SLC2A9: variants seen among roughly 807,000 people sequenced by gnomAD.
The protein encoded by SLC2A9 is solute carrier family 2, facilitated glucose transporter member 9.
Under a neutral mutation model 50.6 loss-of-function variants are expected in SLC2A9, and 39 were observed. The ratio of observed to expected loss-of-function variants is 0.77; its 90% confidence interval spans 0.60 to 1.01. The LOEUF (loss-of-function observed/expected upper bound fraction) is 1.01. Among genes scored for constraint, SLC2A9 ranks in the 50% least tolerant of loss-of-function variants. The probability of loss-of-function intolerance (pLI) is 0.00; values close to 1 mark genes in which losing one functional copy is unlikely to be tolerated. For missense variants in SLC2A9, 686 were observed against 677.6 expected (o/e 1.01, Z -0.14); for synonymous variants, 324 against 276.9 (o/e 1.17, Z -1.69).
chr4:9,941,943 C>G lies in SLC2A9; in HGVS notation c.784G>C (p.Glu262Gln). The part of the protein sequence containing the change: ...LPDSPRYLLL[E>Q]KHNEARAVKA... ...ACAGCTCTTGCCTCGTTGTGCTTCT[C>G]CAAGAGCAGGTAGCGTGGGCTGTCC... is the stretch of plus-strand genomic sequence containing the variant. Residue 262 changes from glutamate (E) to glutamine (Q), a missense_variant, in exon 6 of 12, where the codon GAG becomes CAG. By Grantham distance (29) the Glu-to-Gln change is conservative. Coordinates refer to ENST00000264784, the MANE Select transcript of SLC2A9 (RefSeq NM_020041.3). 6.2e-7 allele frequency: 1 copy of G among 1,614,156 alleles called. No individual in the cohort carries two copies. The highest frequency in any genetic ancestry group is 8.5e-7 in the Non-Finnish European group (1 of 1,180,018).
chr4:10,030,044 A>G (rs959847813), intron 1 of SLC2A9, among the ~76,000 whole-genome samples: 9 of 150,622 alleles, frequency 6.0e-5, no homozygotes, highest in African/African-American at 2.2e-4. Context: ...GGTAAAATAT[A>G]TACATAAAAA....
chr4:9,892,849 A>G (rs773752029), intron 8 of SLC2A9, among the ~76,000 whole-genome samples: 1 of 152,154 alleles, frequency 6.6e-6, no homozygotes, highest in Non-Finnish European at 1.5e-5. Context: ...TCTGATGATA[A>G]TGGAGTTAGT....
chr4:10,008,874 C>T (rs1761249263), intron 2 of SLC2A9, among the ~76,000 whole-genome samples: 1 of 148,546 alleles, frequency 6.7e-6, no homozygotes, highest in Non-Finnish European at 1.5e-5. Context: ...GTATGTGTAG[C>T]TTCATTATCA....
intron 1 of SLC2A9, among the ~76,000 whole-genome samples, chr4:9,773,136 A>G (rs1356526538): frequency 6.6e-6 from 1 of 152,148 alleles, no homozygotes; most frequent in South Asian, 2.1e-4. Context: ...CTTGCTCCTG[A>G]ACTGGGAAGA....
At chr4:9,855,441 A>C (rs556647209) in intron 10 of SLC2A9, among the ~76,000 whole-genome samples, 1 of 152,286 alleles carries the variant, frequency 6.6e-6, no homozygotes, top group African/African-American at 2.4e-5. Flanking sequence ...TGAAAATTAC[A>C]AAACACTGCT....
At chr4:10,026,791 C>T (rs542089081) in intron 1 of SLC2A9, among the ~76,000 whole-genome samples, 198 of 152,292 alleles carry the variant, frequency 1.3e-3, no homozygotes, top group Non-Finnish European at 2.0e-3. Flanking sequence ...TGCCTGTAAT[C>T]CCAGCACGTG....
chr4:9,784,792 T>C (rs1208013339), intron 3 of SLC2A9, among the ~76,000 whole-genome samples: 1 of 152,240 alleles, frequency 6.6e-6, no homozygotes, highest in Non-Finnish European at 1.5e-5. Flanking sequence ...GAAATGTGAA[T>C]ATGCAATTTC....
downstream of SLC2A9, among the ~76,000 whole-genome samples, chr4:9,774,886 A>C (rs1419872177): frequency 6.6e-6 from 1 of 151,936 alleles, no homozygotes; most frequent in East Asian, 1.9e-4. Context: ...AAGGAAAATG[A>C]CCACCTGGAA....
At chr4:9,890,313 T>C (rs995855484) in intron 9 of SLC2A9, among the ~76,000 whole-genome samples, 5 of 152,084 alleles carry the variant, frequency 3.3e-5, no homozygotes, top group Admixed American at 3.3e-4. Context: ...TTCTATTCCA[T>C]AGATGGGTGA....
intron 4 of SLC2A9, 109 bp from the exon 5 acceptor site, chr4:9,980,846 C>G: frequency 7.0e-7 from 1 of 1,419,132 alleles, no homozygotes; most frequent in South Asian, 1.2e-5. Flanking sequence ...TTAAATAGCA[C>G]TGTAGCCACG....
chr4:9,975,943 G>A (rs914673118), intron 5 of SLC2A9, among the ~76,000 whole-genome samples: 3 of 152,140 alleles, frequency 2.0e-5, no homozygotes, highest in African/African-American at 7.2e-5. Flanking sequence ...CATGTTGTTC[G>A]CAGCAACATA....
intron 6 of SLC2A9, among the ~76,000 whole-genome samples, chr4:9,925,998 C>T (rs942886651): frequency 9.9e-5 from 15 of 152,062 alleles, no homozygotes; most frequent in Non-Finnish European, 1.8e-4. Flanking sequence ...GGCCCACATA[C>T]GACTGCAAGC....
intron 3 of SLC2A9, among the ~76,000 whole-genome samples, chr4:9,991,850 G>C (rs1256953737): frequency 6.6e-6 from 1 of 152,182 alleles, no homozygotes; most frequent in African/African-American, 2.4e-5. Context: ...CCAGCCTCCA[G>C]AACTGTGAGA....
chr4:9,966,345 C>T (rs1400709459), intron 5 of SLC2A9, among the ~76,000 whole-genome samples: 1 of 152,090 alleles, frequency 6.6e-6, no homozygotes, highest in Non-Finnish European at 1.5e-5. Context: ...GTTTACAAAT[C>T]ACACTTTTTC....
chr4:9,845,632 G>C (rs901407137), intron 10 of SLC2A9, among the ~76,000 whole-genome samples: 1 of 150,396 alleles, frequency 6.6e-6, no homozygotes, highest in African/African-American at 2.5e-5. Flanking sequence ...GGGTTTCACC[G>C]TGTTAGCCAG....
Position 9,941,391 on chromosome 4 carries a change from G to A in SLC2A9, c.814+522C>T, listed in dbSNP as rs144142984. Among the ~76,000 whole-genome samples the A allele has an allele frequency of 6.6e-5, 10 of 152,184 alleles. No individual in the cohort carries two copies. The East Asian group carries it at 7.7e-4, about 12-fold the overall frequency. Reference sequence around the variant, plus strand: ...ATGAGTGTATACTCCTTCCTCCCTCGAAGGACTGTTGGCAAGGTCCTGTGG... The same window carrying A: ...ATGAGTGTATACTCCTTCCTCCCTCAAAGGACTGTTGGCAAGGTCCTGTGG... On this transcript the variant is annotated intron_variant, in intron 6 of 11. Transcript: ENST00000264784.
chr4:9,917,446 C>A (rs1441242472), intron 7 of SLC2A9, among the ~76,000 whole-genome samples: 1 of 147,352 alleles, frequency 6.8e-6, no homozygotes, highest in Non-Finnish European at 1.5e-5. Context: ...GATTCTCCTG[C>A]CTCAGCCTCC....
chr4:9,985,795 T>A lies in SLC2A9; in HGVS notation c.411-2A>T. On this transcript the variant is annotated splice_acceptor_variant, in intron 3 of 11. Coordinates refer to ENST00000264784, the MANE Select transcript of SLC2A9 (RefSeq NM_020041.3). LOFTEE classifies it high-confidence loss of function. ...TTATTGGCCAGCAAAGTGTGCTTCC[T>A]GGAAAGAAAGGAAAGATTTGATGAA... 6.2e-7 allele frequency: 1 copy of A among 1,613,970 alleles called. No individual in the cohort carries two copies. The highest frequency in any genetic ancestry group is 8.5e-7 in the Non-Finnish European group (1 of 1,179,862).
At chr4:9,964,250 A>G (rs1752722983) in intron 5 of SLC2A9, among the ~76,000 whole-genome samples, 1 of 147,388 alleles carries the variant, frequency 6.8e-6, no homozygotes, top group South Asian at 2.2e-4. Flanking sequence ...CAGGGCAGGG[A>G]TGAGAATTTG....
Sources: allele counts gnomAD v4.1 joint callset (sites outside exome capture counted in the v4.1 genomes callset), GRCh38; gene constraint gnomAD v4.1.1; transcripts MANE v1.5; gene names NCBI Gene and HGNC (gene_info 2026-07-23, HGNC 2026-07-21).